DRG1: variants seen among roughly 807,000 people sequenced by gnomAD.
DRG1 encodes the protein developmentally-regulated GTP-binding protein 1.
Under a neutral mutation model 38.8 loss-of-function variants are expected in DRG1, and 19 were observed. That is an observed-to-expected ratio of 0.49 (90% confidence interval 0.34 to 0.72). The LOEUF is 0.72. Among genes scored for constraint, DRG1 ranks in the 30% least tolerant of loss-of-function variants. The pLI is 0.01. For synonymous variants in DRG1, 167 were observed against 157.5 expected (o/e 1.06, Z -0.45); for missense variants, 299 against 444.8 (o/e 0.67, Z 2.95).
chr22:31,417,404 G>T (rs1321394295), intron 4 of DRG1, among the ~76,000 whole-genome samples: 1 of 151,652 alleles, frequency 6.6e-6, no homozygotes, highest in Admixed American at 6.6e-5. Context: ...AATCATGGCT[G>T]CTTGGTGGCT....
intron 8 of DRG1, among the ~76,000 whole-genome samples, chr22:31,432,449 TGAGA>T (rs1278965679): frequency 4.0e-5 from 6 of 148,532 alleles, no homozygotes; most frequent in African/African-American, 7.4e-5. Flanking sequence ...TTTTTGAGAC[TGAGA>T]GAGACTCAGT....
Position 31,415,142 on chromosome 22 carries a change from C to T in DRG1, c.412+4061C>T, listed in dbSNP as rs143254863. On this transcript the variant is annotated intron_variant, in intron 4 of 8. Coordinates refer to ENST00000331457, the MANE Select transcript of DRG1 (RefSeq NM_004147.4). Reference sequence around the variant, plus strand: ...TGCCTAGGCAGTGATTGTTGTCTTACTGTTTTTCAAGTATTTCTCTTAAAT... The same window carrying T: ...TGCCTAGGCAGTGATTGTTGTCTTATTGTTTTTCAAGTATTTCTCTTAAAT... 5.7e-3 allele frequency among the ~76,000 whole-genome samples: 871 copies of T among 152,232 alleles called. 4 individuals carry two copies. Among genetic ancestry groups the T allele is most frequent in the Non-Finnish European group, 8.7e-3 (595 of 68,016 alleles).
chr22:31,408,284 T>C (rs1476725666), intron 3 of DRG1, among the ~76,000 whole-genome samples: 2 of 135,168 alleles, frequency 1.5e-5, no homozygotes, highest in African/African-American at 5.5e-5. Flanking sequence ...GGATTACAGG[T>C]GCCCGCCACT....
chr22:31,405,166 A>C lies in DRG1; in HGVS notation c.342+1962A>C, dbSNP rs574535325. ...CTTTACTTTTGTAGAGGCCTTAATAAATTTTCTTTTTTTTTTTTTTGAGAC... is the reference window on the plus strand; with the variant it reads ...CTTTACTTTTGTAGAGGCCTTAATACATTTTCTTTTTTTTTTTTTTGAGAC... On this transcript the variant is annotated intron_variant, in intron 3 of 8. Transcript: ENST00000331457. Among the ~76,000 whole-genome samples the C allele has an allele frequency of 1.7e-4, 26 of 150,926 alleles. 1 individual carries two copies. In the South Asian group the frequency reaches 5.0e-3, roughly 29 times the overall value.
At chr22:31,410,348 G>A (rs1284312555) in intron 3 of DRG1, among the ~76,000 whole-genome samples, 3 of 151,650 alleles carry the variant, frequency 2.0e-5, no homozygotes, top group Non-Finnish European at 4.4e-5. Flanking sequence ...CCAGCTACTC[G>A]GGAATTTGAG....
intron 6 of DRG1, 150 bp from the exon 7 acceptor site, chr22:31,426,465 C>T: frequency 1.5e-6 from 1 of 651,480 alleles, no homozygotes; most frequent in Non-Finnish European, 2.5e-6. Flanking sequence ...TTCACTTTTT[C>T]TTTTTCTTTT....
intron 3 of DRG1, among the ~76,000 whole-genome samples, chr22:31,405,794 T>C (rs1251541480): frequency 6.6e-6 from 1 of 152,004 alleles, no homozygotes; most frequent in African/African-American, 2.4e-5. Flanking sequence ...GTTCAAGTGA[T>C]TCTCCTGTCT....
intron 2 of DRG1, among the ~76,000 whole-genome samples, chr22:31,402,448 A>G (rs991715532): frequency 2.0e-5 from 3 of 151,070 alleles, no homozygotes; most frequent in Non-Finnish European, 4.4e-5. Flanking sequence ...CACCATAGGT[A>G]GAGTAGCTAA....
At chr22:31,419,590 A>G (rs1397782575) in intron 4 of DRG1, among the ~76,000 whole-genome samples, 1 of 152,160 alleles carries the variant, frequency 6.6e-6, no homozygotes, top group Non-Finnish European at 1.5e-5. Context: ...ATAGTGGGGA[A>G]GATTGAAAGG....
intron 3 of DRG1, among the ~76,000 whole-genome samples, chr22:31,409,420 CAG>C (rs1569046432): frequency 6.6e-6 from 1 of 152,066 alleles, no homozygotes; most frequent in African/African-American, 2.4e-5. Flanking sequence ...GGACATACAT[CAG>C]AGTCACTTGT....
rs570444669 is a variant in DRG1, at chr22:31,415,015, GTCTC to G, written c.412+3940_412+3943del. 1.4e-3 allele frequency among the ~76,000 whole-genome samples: 208 copies of G among 152,216 alleles called. 1 individual carries two copies. The highest frequency in any genetic ancestry group is 2.4e-3 in the Non-Finnish European group (163 of 67,996). ...GGTCTCGAAAACCCCGGGCTCGAGA[GTCTC>G]TCTCTTCTCAGCTTCCCGAGTAGCT... On this transcript the variant is annotated intron_variant, in intron 4 of 8. Transcript: ENST00000331457.
chr22:31,404,824 A>G (rs548344025), intron 3 of DRG1, among the ~76,000 whole-genome samples: 8 of 151,834 alleles, frequency 5.3e-5, no homozygotes, highest in African/African-American at 1.9e-4. Flanking sequence ...GAGTTTCACC[A>G]TGTTTGCCAG....
rs760867674 is a variant in DRG1, at chr22:31,427,192, A to G, written c.1004+10A>G. 3.7e-6 allele frequency: 6 copies of G among 1,613,546 alleles called. No homozygotes were observed. The highest frequency in any genetic ancestry group is 3.3e-4 in the Middle Eastern group (2 of 6,006). On this transcript the variant is annotated intron_variant, in intron 8 of 8. Coordinates refer to ENST00000331457, the MANE Select transcript of DRG1 (RefSeq NM_004147.4). The stretch of plus-strand genomic sequence containing the variant: ...TCAAAGAATTTAAATAGTAAGTATC[A>G]TGGGCCTGTGGTCCCTCCTTTTTCC...
chr22:31,411,768 C>T (rs554753102), intron 4 of DRG1, among the ~76,000 whole-genome samples: 45 of 151,722 alleles, frequency 3.0e-4, no homozygotes, highest in African/African-American at 9.9e-4. Context: ...CTGCCTGCCT[C>T]AGTCTCCCAG....
chr22:31,414,808 C>T (rs1180957675), intron 4 of DRG1, among the ~76,000 whole-genome samples: 8 of 144,886 alleles, frequency 5.5e-5, no homozygotes, highest in African/African-American at 2.1e-4. Flanking sequence ...GAGATAGGAT[C>T]TTGCTCTCTT....
chr22:31,411,050 T>C lies in DRG1; in HGVS notation c.381T>C (p.Asp127=). The part of the protein sequence containing the change: ...DLPGIIEGAK[D]GKGRGRQVIA... ...CAGGTATCATTGAAGGTGCCAAGGA[T>C]GGGAAAGGTAGAGGTCGTCAAGTCA... Residue 127 remains aspartate (D), a synonymous_variant, in exon 4 of 9, where the codon GAT becomes GAC. Coordinates refer to ENST00000331457, the MANE Select transcript of DRG1 (RefSeq NM_004147.4). 1 of 1,613,922 alleles carries C rather than the reference T, an allele frequency of 6.2e-7. No homozygotes were observed.
intron 1 of DRG1, 135 bp from the exon 2 acceptor site, chr22:31,400,485 A>G: frequency 9.1e-7 from 1 of 1,097,228 alleles, no homozygotes; most frequent in South Asian, 1.5e-5. Context: ...GGAGGAGATA[A>G]TGGACTTTTA....
chr22:31,414,662 C>G (rs561560830), intron 4 of DRG1, among the ~76,000 whole-genome samples: 19 of 152,004 alleles, frequency 1.2e-4, no homozygotes, highest in South Asian at 1.2e-3. Context: ...CTCTTTTTTT[C>G]CCCCTTTTTC....
At chr22:31,405,988 GTTTCTTT>G (rs941784714) in intron 3 of DRG1, among the ~76,000 whole-genome samples, 6 of 150,390 alleles carry the variant, frequency 4.0e-5, no homozygotes, top group African/African-American at 9.8e-5. Context: ...ATGCCTGGCC[GTTTCTTT>G]TTTCTTTTTT....
Sources: gnomAD v4.1 joint callset for allele counts (sites outside exome capture counted in the v4.1 genomes callset) on GRCh38, gnomAD v4.1.1 for gene constraint, MANE v1.5 for transcripts, NCBI Gene and HGNC (gene_info 2026-07-23, HGNC 2026-07-21) for gene names.